TBL1X: variants seen among roughly 807,000 people sequenced by gnomAD.
The protein encoded by TBL1X is F-box-like/WD repeat-containing protein TBL1X.
In TBL1X, 10 loss-of-function variants were observed where a neutral mutation model predicts 50.7. That is an observed-to-expected ratio of 0.20 (90% CI 0.12 to 0.33). TBL1X has a LOEUF of 0.33. Ranked by LOEUF, TBL1X falls within the 10% of genes least tolerant of loss-of-function variation. The pLI is 1.00. For synonymous variants in TBL1X, 190 were observed against 214.7 expected, an observed-to-expected ratio of 0.88 and a Z score of 1.01; for missense variants, 340 against 504.4, an observed-to-expected ratio of 0.67 and a Z score of 3.12.
chrX:9,593,807 T>C (rs1019936919), intron 2 of TBL1X, among the ~76,000 whole-genome samples: 33 of 111,166 alleles, frequency 3.0e-4, no homozygotes, highest in Non-Finnish European at 5.1e-4. Flanking sequence ...AAGCTTCCCC[T>C]CCCTTTTCTT....
chrX:9,464,147 G>T (rs1569197816), upstream of TBL1X, among the ~76,000 whole-genome samples: 1 of 111,266 alleles, frequency 9.0e-6, no homozygotes, highest in South Asian at 3.8e-4. Context: ...CTGAATTAAG[G>T]CTGCGAGTGG....
chrX:9,511,427 G>A (rs1259848656), intron 2 of TBL1X, among the ~76,000 whole-genome samples: 1 of 112,140 alleles, frequency 8.9e-6, no homozygotes, highest in Non-Finnish European at 1.9e-5. Context: ...TGGAAGCCAT[G>A]TAACCACCTG....
chrX:9,682,839 C>T (rs763428632), intron 5 of TBL1X, among the ~76,000 whole-genome samples: 3 of 111,906 alleles, frequency 2.7e-5, no homozygotes, highest in Admixed American at 9.4e-5. Context: ...GGCTGCTTTC[C>T]GAACTCCCTG....
rs1300438038 is a variant in TBL1X, at chrX:9,717,574, CG to C, written c.*1329del. 8.8e-6 allele frequency: 1 copy of C among 113,099 alleles called. No individual in the cohort carries two copies. Among genetic ancestry groups the C allele is most frequent in the Non-Finnish European group, 1.9e-5 (1 of 53,454 alleles). The allele number at this position is 113,099 out of a possible 1,213,427, so 9.3% of individuals were successfully genotyped here. ...AGCAGGAAAGCAGCGAAGAGCCGCG[CG>C]CCCTCTGGCCTCAAGGGAGCATTGG... On this transcript the variant is annotated 3_prime_UTR_variant, in exon 18 of 18. Transcript: ENST00000645353.
intron 2 of TBL1X, among the ~76,000 whole-genome samples, chrX:9,540,771 T>C (rs2082210529): frequency 8.9e-6 from 1 of 112,576 alleles, no homozygotes; most frequent in Non-Finnish European, 1.9e-5. Context: ...TCACTAGTGC[T>C]TTGGATGTTC....
chrX:9,706,932 G>A (rs1361112782), intron 13 of TBL1X, among the ~76,000 whole-genome samples: 1 of 111,528 alleles, frequency 9.0e-6, no homozygotes, highest in African/African-American at 3.3e-5. Context: ...TCCTCTGCAC[G>A]CCCTGGGGAG....
chrX:9,583,972 T>C (rs2082455167), intron 2 of TBL1X, among the ~76,000 whole-genome samples: 1 of 112,337 alleles, frequency 8.9e-6, no homozygotes, highest in African/African-American at 3.2e-5. Flanking sequence ...AAATAATGAA[T>C]AGCTCTAAAA....
chrX:9,535,026 C>T (rs759093175), intron 2 of TBL1X: 3 of 111,493 alleles, frequency 2.7e-5, no homozygotes, highest in Non-Finnish European at 3.8e-5. Flanking sequence ...GGTGAGCATC[C>T]GGTCAACAGT....
chrX:9,711,455 A>C (rs1211173224), intron 15 of TBL1X, among the ~76,000 whole-genome samples, 156 bp from the exon 16 acceptor site: 3 of 112,242 alleles, frequency 2.7e-5, no homozygotes, highest in African/African-American at 9.7e-5. Flanking sequence ...AATACTTGTA[A>C]GTAGTTACAG....
At chrX:9,467,966 G>A (rs1183654963) in intron 1 of TBL1X, among the ~76,000 whole-genome samples, 1 of 112,506 alleles carries the variant, frequency 8.9e-6, no homozygotes, top group East Asian at 2.8e-4. Flanking sequence ...GACTTCAGAT[G>A]CCTGCGCCTC....
At chrX:9,490,469 A>G (rs1159787711) in intron 1 of TBL1X, among the ~76,000 whole-genome samples, 15 of 112,173 alleles carry the variant, frequency 1.3e-4, no homozygotes, top group African/African-American at 4.9e-4. Flanking sequence ...TGTGCACAGG[A>G]CAGCCCCCCT....
intron 1 of TBL1X, among the ~76,000 whole-genome samples, chrX:9,493,532 C>T (rs924318727): frequency 1.7e-4 from 19 of 111,327 alleles, no homozygotes; most frequent in East Asian, 8.5e-4. Flanking sequence ...GAAGCTGAGG[C>T]GGGCGGATTG....
intron 2 of TBL1X, among the ~76,000 whole-genome samples, chrX:9,572,113 C>T (rs749753359): frequency 1.6e-3 from 179 of 112,058 alleles, no homozygotes; most frequent in Middle Eastern, 9.3e-3. Flanking sequence ...GTCACACCCC[C>T]GCGGAAAACT....
Position 9,715,085 on chromosome X carries a change from A to G in TBL1X, c.1707+82A>G, listed in dbSNP as rs774000568. ...AGTGAGCTTCCAGGGCGTGTGCAGC[A>G]TTCGTGTCCTGAAGGGCCTAGCCCA... On this transcript the variant is annotated intron_variant, in intron 17 of 17. Coordinates refer to ENST00000645353, the MANE Select transcript of TBL1X (RefSeq NM_005647.4). The G allele has an allele frequency of 1.3e-4, 123 of 956,609 alleles. No homozygotes were observed. The South Asian group carries it at 1.3e-3, about 10-fold the overall frequency. 78.8% of individuals were successfully genotyped at this position (956,609 alleles called of 1,213,427 possible). A position where few individuals can be genotyped will look rare whatever the true frequency, so the allele number is the denominator to read the frequency against.
At chrX:9,712,274 C>T (rs2083252163) in intron 16 of TBL1X, among the ~76,000 whole-genome samples, 2 of 113,030 alleles carry the variant, frequency 1.8e-5, no homozygotes, top group South Asian at 7.1e-4. Flanking sequence ...AAGGAATGTG[C>T]TCTTGCTGTT....
intron 12 of TBL1X, among the ~76,000 whole-genome samples, chrX:9,701,697 G>C (rs1323557492): frequency 1.8e-5 from 2 of 110,758 alleles, no homozygotes; most frequent in Admixed American, 1.9e-4. Flanking sequence ...GAACCAGCTT[G>C]CTTTAGATGG....
At chrX:9,712,425 C>T (rs1272848370) in intron 16 of TBL1X, among the ~76,000 whole-genome samples, 1 of 112,775 alleles carries the variant, frequency 8.9e-6, no homozygotes, top group African/African-American at 3.2e-5. Flanking sequence ...GCAACCTCTG[C>T]CTCCCAGATT....
chrX:9,475,906 A>G (rs2081846716), intron 1 of TBL1X, among the ~76,000 whole-genome samples: 1 of 112,151 alleles, frequency 8.9e-6, no homozygotes, highest in South Asian at 3.7e-4. Flanking sequence ...GTTATATGAA[A>G]TGATGCTCAT....
In TBL1X at chrX:9,564,990, G is replaced by T. The variant is rs202171640; in HGVS notation, c.-131+63141G>T. Among the ~76,000 whole-genome samples the T allele has an allele frequency of 1.9e-4, 21 of 110,579 alleles. No individual in the cohort carries two copies. The East Asian group carries it at 5.4e-3, about 29-fold the overall frequency. Reference sequence around the variant, plus strand: ...AAAGTATACTAAAAAAAAATCATAGGCTGGGTGCGGTGGCTCACGCCTGTA... The same window carrying T: ...AAAGTATACTAAAAAAAAATCATAGTCTGGGTGCGGTGGCTCACGCCTGTA... On this transcript the variant is annotated intron_variant, in intron 2 of 17. Coordinates refer to ENST00000645353, the MANE Select transcript of TBL1X (RefSeq NM_005647.4).
Sources: gnomAD v4.1 joint callset for allele counts (sites outside exome capture counted in the v4.1 genomes callset) on GRCh38, gnomAD v4.1.1 for gene constraint, MANE v1.5 for transcripts, NCBI Gene and HGNC (gene_info 2026-07-23, HGNC 2026-07-21) for gene names.